FAM169A: variants seen among roughly 807,000 people sequenced by gnomAD.
FAM169A encodes family with sequence similarity 169 member A.
FAM169A carries 24 observed loss-of-function variants against 75.7 expected under a neutral mutation model. The observed-to-expected ratio is 0.32, with a 90% CI of 0.23 to 0.45. FAM169A has a LOEUF of 0.45. Among genes scored for constraint, FAM169A ranks in the 20% least tolerant of loss-of-function variants. FAM169A has a pLI of 1.00. For synonymous variants in FAM169A, 271 were observed against 271.0 expected, an observed-to-expected ratio of 1.00 and a Z score of 0.00; for missense variants, 673 against 784.0, an observed-to-expected ratio of 0.86 and a Z score of 1.69.
At chr5:74,845,904 T>C (rs891670321) in intron 1 of FAM169A, among the ~76,000 whole-genome samples, 2 of 152,236 alleles carry the variant, frequency 1.3e-5, no homozygotes, top group African/African-American at 4.8e-5. Flanking sequence ...TATCAAATTC[T>C]ATATGTAAAA....
chr5:74,856,589 A>T (rs16872347), intron 1 of FAM169A, among the ~76,000 whole-genome samples: 35,130 of 151,934 alleles, frequency 0.23, 4,253 homozygotes, highest in Middle Eastern at 0.3. Context: ...AAAATAAAAT[A>T]CACTACATTG....
chr5:74,843,711 T>G (rs970585825), intron 1 of FAM169A, among the ~76,000 whole-genome samples: 1 of 152,242 alleles, frequency 6.6e-6, no homozygotes, highest in Admixed American at 6.5e-5. Flanking sequence ...TCAACACTAC[T>G]TCTGTGAGAA....
At chr5:74,797,560 T>C (rs1326037819) in intron 10 of FAM169A, among the ~76,000 whole-genome samples, 3 of 152,230 alleles carry the variant, frequency 2.0e-5, no homozygotes, top group Non-Finnish European at 4.4e-5. Context: ...CTCATGTTAG[T>C]GCTTTAGTCG....
intron 5 of FAM169A, among the ~76,000 whole-genome samples, chr5:74,817,257 GTC>G (rs1162789012): frequency 6.6e-6 from 1 of 151,772 alleles, no homozygotes; most frequent in Non-Finnish European, 1.5e-5. Flanking sequence ...ATGCAAAACA[GTC>G]TCTATTTGCA....
At chr5:74,840,690 A>G (rs934780489) in intron 2 of FAM169A, among the ~76,000 whole-genome samples, 12 of 151,928 alleles carry the variant, frequency 7.9e-5, no homozygotes, top group East Asian at 3.9e-4. Flanking sequence ...TTAGCCGGGC[A>G]TGGTGGTGGG....
chr5:74,814,074 C>T (rs74489262), intron 5 of FAM169A, 55 bp from the exon 6 acceptor site: 1 of 1,341,134 alleles, frequency 7.5e-7, no homozygotes, highest in East Asian at 2.5e-5. Flanking sequence ...AATATACATA[C>T]ATTTAGTGAC....
At chr5:74,782,568 A>C (rs1745466908) in intron 12 of FAM169A, among the ~76,000 whole-genome samples, 1 of 152,320 alleles carries the variant, frequency 6.6e-6, no homozygotes, top group South Asian at 2.1e-4. Flanking sequence ...CCACTAACCT[A>C]ATCTGTCTGC....
chr5:74,840,046 A>G (rs371285815), intron 3 of FAM169A, 28 bp downstream of exon 3: 97 of 1,197,740 alleles, frequency 8.1e-5, no homozygotes, highest in Non-Finnish European at 1.1e-4. Context: ...AAAATTCCTT[A>G]ATTTATAAAA....
chr5:74,864,031 A>G (rs1455179653), intron 1 of FAM169A, among the ~76,000 whole-genome samples: 1 of 152,222 alleles, frequency 6.6e-6, no homozygotes, highest in African/African-American at 2.4e-5. Context: ...CTCCCTATAG[A>G]ATAAACATAT....
chr5:74,849,784 G>C (rs994454954), intron 1 of FAM169A, among the ~76,000 whole-genome samples: 2 of 152,024 alleles, frequency 1.3e-5, no homozygotes, highest in Non-Finnish European at 1.5e-5. Context: ...CTAAACGCTA[G>C]ATTCCTCTAA....
intron 2 of FAM169A, 115 bp from the exon 3 acceptor site, chr5:74,840,288 T>C (rs1748789758): frequency 6.4e-6 from 3 of 470,848 alleles, no homozygotes; most frequent in Non-Finnish European, 1.1e-5. Flanking sequence ...ATTTATTTTA[T>C]AGGAGACATT....
At chr5:74,817,495 T>C (rs1747531290) in intron 5 of FAM169A, among the ~76,000 whole-genome samples, 2 of 151,958 alleles carry the variant, frequency 1.3e-5, no homozygotes, top group Non-Finnish European at 2.9e-5. Context: ...ACTTGTACAA[T>C]AGAGATTACA....
rs1267067121 is a variant in FAM169A, at chr5:74,778,707, TGAAA to T, written c.*2749_*2752del. ...GTCTAGCAATTGAATAATTTAAACT[TGAAA>T]GAACTAAAATACTAATAACCATCTG... On this transcript the variant is annotated 3_prime_UTR_variant, in exon 13 of 13. Transcript: ENST00000687041. 2 of 152,062 alleles carry T rather than the reference TGAAA, an allele frequency of 1.3e-5. No individual in the cohort carries two copies. Among genetic ancestry groups the T allele is most frequent in the African/African-American group, 2.4e-5 (1 of 41,440 alleles). 9.4% of individuals were successfully genotyped at this position (152,062 alleles called of 1,614,324 possible).
intron 11 of FAM169A, among the ~76,000 whole-genome samples, chr5:74,793,820 A>C (rs1260312433): frequency 1.3e-5 from 2 of 151,622 alleles, no homozygotes. Flanking sequence ...TGGCTAACAT[A>C]GTGAAACCCC....
intron 5 of FAM169A, among the ~76,000 whole-genome samples, chr5:74,832,497 C>T (rs1171350071): frequency 2.6e-5 from 4 of 151,546 alleles, no homozygotes; most frequent in African/African-American, 9.7e-5. Context: ...AATGATTTCA[C>T]AAGACTTTCA....
intron 5 of FAM169A, among the ~76,000 whole-genome samples, chr5:74,826,753 T>C (rs960216038): frequency 2.6e-5 from 4 of 152,202 alleles, no homozygotes; most frequent in African/African-American, 9.6e-5. Context: ...AATACTATTA[T>C]CAAAACCAGG....
rs1745186326 is a variant in FAM169A at position 74,777,606 on chromosome 5, A to C, written c.*3854T>G. 2 of 151,944 alleles carry C rather than the reference A, an allele frequency of 1.3e-5. No individual in the cohort carries two copies. The highest frequency in any genetic ancestry group is 2.1e-4 in the South Asian group (1 of 4,830). The allele number at this position is 151,944 out of a possible 1,614,324, so 9.4% of individuals were successfully genotyped here. ...AAATTGTTTATTTTTTTTTTAAAGA[A>C]GTCTGTCTTCAGAGTACAACCAATG... On this transcript the variant is annotated 3_prime_UTR_variant, in exon 13 of 13. Coordinates refer to ENST00000687041, the MANE Select transcript of FAM169A (RefSeq NM_001376049.1).
chr5:74,823,047 T>C (rs1443294741), intron 5 of FAM169A, among the ~76,000 whole-genome samples: 1 of 152,220 alleles, frequency 6.6e-6, no homozygotes, highest in Non-Finnish European at 1.5e-5. Flanking sequence ...CTCTTTTAAT[T>C]GACTTCCCTG....
intron 11 of FAM169A, among the ~76,000 whole-genome samples, chr5:74,784,451 G>A (rs1745567297): frequency 7.5e-6 from 1 of 132,656 alleles, no homozygotes; most frequent in East Asian, 2.2e-4. Flanking sequence ...AGGTAGCAGT[G>A]AGCCAGAGAG....
Sources: allele counts gnomAD v4.1 joint callset (sites outside exome capture counted in the v4.1 genomes callset), GRCh38; gene constraint gnomAD v4.1.1; transcripts MANE v1.5; gene names NCBI Gene and HGNC (gene_info 2026-07-23, HGNC 2026-07-21).